The following ITGB4 variants were observed in gnomAD, a reference collection of about 807,000 sequenced individuals.
The protein encoded by ITGB4 is integrin subunit beta 4.
In ITGB4, 159 loss-of-function variants were observed where a neutral mutation model predicts 207.6. The observed-to-expected ratio is 0.77, with a 90% CI of 0.67 to 0.87. The LOEUF (loss-of-function observed/expected upper bound fraction) is 0.87. ITGB4 is among the 40% of genes least tolerant of loss of function. The pLI, the probability that ITGB4 is intolerant of heterozygous loss-of-function variation, is 0.00. For missense variants in ITGB4, 2,278 were observed against 2,546.8 expected, an observed-to-expected ratio of 0.89 and a Z score of 2.27; for synonymous variants, 1,020 against 1,062.7, an observed-to-expected ratio of 0.96 and a Z score of 0.78.
chr17:75,754,884 G>A, intron 34 of ITGB4, 69 bp downstream of exon 34: 3 of 1,603,514 alleles, frequency 1.9e-6, no homozygotes, highest in Non-Finnish European at 2.6e-6. Context: ...GGAGCCTCGG[G>A]CTTCTGTCTG....
At chr17:75,747,628 T>C (rs1231373751) in intron 26 of ITGB4, among the ~76,000 whole-genome samples, 1 of 152,222 alleles carries the variant, frequency 6.6e-6, no homozygotes, top group Non-Finnish European at 1.5e-5. Context: ...CTTGACTCCT[T>C]TAATCTAGAA....
chr17:75,724,574 G>A lies in ITGB4; in HGVS notation c.-10-120G>A, dbSNP rs984487343. 75 of 821,494 alleles carry A rather than the reference G, an allele frequency of 9.1e-5. No homozygotes were observed. In the East Asian group the frequency reaches 1.1e-3, roughly 12 times the overall value. The allele number at this position is 821,494 out of a possible 1,614,324, so 50.9% of individuals were successfully genotyped here. On this transcript the variant is annotated intron_variant, in intron 1 of 39. Transcript: ENST00000200181. Reference sequence around the variant, plus strand: ...AGGGCCCTGCCTCTGGCGGCTGGGCGCCCTTGGTCACATTGTTGGTGCTCA... The same window carrying A: ...AGGGCCCTGCCTCTGGCGGCTGGGCACCCTTGGTCACATTGTTGGTGCTCA...
chr17:75,757,068 G>A lies in ITGB4; in HGVS notation c.5179G>A (p.Glu1727Lys). The A allele has an allele frequency of 6.2e-7, 1 of 1,612,936 alleles. No homozygotes were observed. The highest frequency in any genetic ancestry group is 8.5e-7 in the Non-Finnish European group (1 of 1,179,942). The change falls in exon 38 of 40, where the codon GAG (glutamate) becomes AAG (lysine). Residue 1727 changes from glutamate to lysine, a missense_variant. Glu to Lys is a moderately conservative substitution (Grantham distance 56, BLOSUM62 1). Coordinates refer to ENST00000200181, the MANE Select transcript of ITGB4 (RefSeq NM_000213.5). ...QARTTEGFGP[E>K]REGIITIESQ... ...CAGGACCACTGAGGGCTTCGGGCCA[G>A]AGCGCGAGGGCATCATCACCATAGA... is the stretch of plus-strand genomic sequence containing the variant.
chr17:75,741,681 C>A (rs991372171), intron 23 of ITGB4, among the ~76,000 whole-genome samples: 2 of 152,042 alleles, frequency 1.3e-5, no homozygotes, highest in Admixed American at 1.3e-4. Context: ...TGGTGGGCAC[C>A]TGTAATCCCA....
At chr17:75,736,455 G>A in intron 15 of ITGB4, 69 bp downstream of exon 15, 1 of 1,609,136 alleles carries the variant, frequency 6.2e-7, no homozygotes. Context: ...GGCAGGAGGG[G>A]CTAAGCCTGA....
At chr17:75,756,095 A>G (rs2061494038) in intron 35 of ITGB4, among the ~76,000 whole-genome samples, 1 of 152,164 alleles carries the variant, frequency 6.6e-6, no homozygotes, top group Admixed American at 6.5e-5. Flanking sequence ...TTTGCCTAAC[A>G]AGGCCCCTTT....
chr17:75,755,124 G>C, intron 34 of ITGB4: 1 of 1,610,298 alleles, frequency 6.2e-7, no homozygotes, highest in Non-Finnish European at 8.5e-7. Flanking sequence ...TCCCGGAGTC[G>C]GGCTCAGATG....
rs139918000 is a variant in ITGB4, at chr17:75,731,922, C to T, written c.1326C>T (p.Asp442=). The T allele has an allele frequency of 7.7e-5, 125 of 1,613,950 alleles. No homozygotes were observed. Among genetic ancestry groups the T allele is most frequent in the African/African-American group, 5.9e-4 (44 of 74,942 alleles). The change falls in exon 11 of 40, where the codon GAC becomes GAT. Residue 442 remains aspartate (D), a synonymous_variant. Transcript: ENST00000200181. This position sits in a 1 kb window ranked among gnomAD's most constrained non-coding sequence, Gnocchi z 6.8. ...TCCATCTGAAACCTTCCTTCTCCGACGGCCTCAAGATGGACGCGGGCATCA... is the reference window on the plus strand; with the variant it reads ...TCCATCTGAAACCTTCCTTCTCCGATGGCCTCAAGATGGACGCGGGCATCA... ...GNIHLKPSFS[D]GLKMDAGIIC...
Position 75,748,868 on chromosome 17 carries a change from C to T in ITGB4, c.3139C>T (p.Leu1047=). ...RDYIPVEGEL[L]FQPGEAWKEL... Reference sequence around the variant, plus strand: ...CTACATCCCCGTGGAGGGTGAGCTGCTGTTCCAGCCTGGGGAGGCCTGGAA... The same window carrying T: ...CTACATCCCCGTGGAGGGTGAGCTGTTGTTCCAGCCTGGGGAGGCCTGGAA... The change falls in exon 27 of 40, where the codon CTG becomes TTG. Residue 1047 remains leucine (L), a synonymous_variant. Coordinates refer to ENST00000200181, the MANE Select transcript of ITGB4 (RefSeq NM_000213.5). 6.2e-7 allele frequency: 1 copy of T among 1,612,384 alleles called. No homozygotes were observed. The highest frequency in any genetic ancestry group is 8.5e-7 in the Non-Finnish European group (1 of 1,179,688).
At chr17:75,751,208 G>GC in intron 30 of ITGB4, 97 bp downstream of exon 30, 2 of 1,377,370 alleles carry the variant, frequency 1.5e-6, no homozygotes. Context: ...CCCTGGACCT[G>GC]CTGTGCAGGG....
chr17:75,729,402 G>C lies in ITGB4; in HGVS notation c.704G>C (p.Gly235Ala). The change falls in exon 7 of 40, where the codon GGC (glycine) becomes GCC (alanine). Residue 235 changes from glycine to alanine, a missense_variant. Physicochemically the swap from Gly to Ala is moderately conservative, Grantham distance 60. Coordinates refer to ENST00000200181, the MANE Select transcript of ITGB4 (RefSeq NM_000213.5). This position sits in a 1 kb window ranked among gnomAD's most constrained non-coding sequence, Gnocchi z 4.4. The part of the protein sequence containing the change: ...ISGNLDAPEG[G>A]FDAILQTAVC... ...GGCAACCTGGATGCTCCTGAGGGCG[G>C]CTTCGATGCCATCCTGCAGACAGCT... 6.2e-7 allele frequency: 1 copy of C among 1,614,162 alleles called. No individual in the cohort carries two copies. Among genetic ancestry groups the C allele is most frequent in the Non-Finnish European group, 8.5e-7 (1 of 1,180,010 alleles).
intron 16 of ITGB4, 90 bp from the exon 17 acceptor site, chr17:75,737,232 T>G (rs2060997927): frequency 6.7e-7 from 1 of 1,495,538 alleles, no homozygotes; most frequent in South Asian, 1.2e-5. Flanking sequence ...GTGAGGCAGA[T>G]CGCAGAGTAG....
Position 75,742,196 on chromosome 17 carries a change from C to G in ITGB4, c.2634-145C>G. On this transcript the variant is annotated intron_variant, in intron 23 of 39. Transcript: ENST00000200181. This position sits in a 1 kb window ranked among gnomAD's most constrained non-coding sequence, Gnocchi z 5.9. ...TAAAGGGTATGGGGCTGGCATAGGC[C>G]TGGAGCACTGCCTGCCTCTGAAGAC... The G allele has an allele frequency of 9.5e-7, 1 of 1,056,232 alleles. No individual in the cohort carries two copies. Among genetic ancestry groups the G allele is most frequent in the Non-Finnish European group, 1.4e-6 (1 of 708,102 alleles). 65.4% of individuals were successfully genotyped at this position (1,056,232 alleles called of 1,614,324 possible). A position where few individuals can be genotyped will look rare whatever the true frequency, so the allele number is the denominator to read the frequency against.
chr17:75,739,518 C>A lies in ITGB4; in HGVS notation c.2221-154C>A, dbSNP rs912201121. On this transcript the variant is annotated intron_variant, in intron 18 of 39. Coordinates refer to ENST00000200181, the MANE Select transcript of ITGB4 (RefSeq NM_000213.5). The surrounding 1 kb of genome is among the most constrained non-coding windows in gnomAD (Gnocchi z 5.4). ...CCATCCCCCTCTATGCCCTTGTGTG[C>A]CATGCTTACACCCTGCTACCACCTG... Among the ~76,000 whole-genome samples, 2 of 152,120 alleles carry A rather than the reference C, an allele frequency of 1.3e-5. No individual in the cohort carries two copies. Among genetic ancestry groups the A allele is most frequent in the African/African-American group, 4.8e-5 (2 of 41,428 alleles).
At chr17:75,741,094 C>T in intron 23 of ITGB4, 89 bp downstream of exon 23, 1 of 1,444,708 alleles carries the variant, frequency 6.9e-7, no homozygotes. Flanking sequence ...CCTACTCCAT[C>T]TCCATCCCAT....
At position 75,727,508 on chromosome 17, in the gene ITGB4, G is replaced by C; in HGVS notation, c.264+3G>C. 6.2e-7 allele frequency: 1 copy of C among 1,613,474 alleles called. No individual in the cohort carries two copies. Among genetic ancestry groups the C allele is most frequent in the South Asian group, 1.1e-5 (1 of 91,028 alleles). ...AGAGCAGCTTCCAAATCACAGAGGT[G>C]CCTGGTGTGGGGACTGGGGTGGGGG... On this transcript the variant is annotated splice_donor_region_variant and intron_variant, in intron 4 of 39. Coordinates refer to ENST00000200181, the MANE Select transcript of ITGB4 (RefSeq NM_000213.5). This position sits in a 1 kb window ranked among gnomAD's most constrained non-coding sequence, Gnocchi z 6.0.
rs55981241 is a variant in ITGB4 at position 75,722,757 on chromosome 17, C to CTGTGTGTGTGTGTG, written c.-11+1167_-11+1180dup. ...GAGCCTGTGGGTGGGTGGGCATGGC[C>CTGTGTGTGTGTGTG]TGTGTGTGTGTGTGTGTGTGTGTGT... On this transcript the variant is annotated intron_variant, in intron 1 of 39. Coordinates refer to ENST00000200181, the MANE Select transcript of ITGB4 (RefSeq NM_000213.5). This position sits in a 1 kb window ranked among gnomAD's most constrained non-coding sequence, Gnocchi z 6.2. Among the ~76,000 whole-genome samples the CTGTGTGTGTGTGTG allele has an allele frequency of 6.7e-5, 9 of 135,164 alleles. No homozygotes were observed. Among genetic ancestry groups the CTGTGTGTGTGTGTG allele is most frequent in the Middle Eastern group, 3.8e-3 (1 of 264 alleles). 88.7% of individuals were successfully genotyped at this position (135,164 alleles called of 152,430 possible). A position where few individuals can be genotyped will look rare whatever the true frequency, so the allele number is the denominator to read the frequency against.
chr17:75,732,280 C>T lies in ITGB4; in HGVS notation c.1454+41C>T, dbSNP rs773496052. ...AGTTGGGCACCCAGGACACCAGTGG[C>T]CCCTGATGGGAAAGCTGGGCTCCTG... On this transcript the variant is annotated intron_variant, in intron 12 of 39. Coordinates refer to ENST00000200181, the MANE Select transcript of ITGB4 (RefSeq NM_000213.5). This position sits in a 1 kb window ranked among gnomAD's most constrained non-coding sequence, Gnocchi z 5.3. 4 of 1,589,328 alleles carry T rather than the reference C, an allele frequency of 2.5e-6. No individual in the cohort carries two copies. Among genetic ancestry groups the T allele is most frequent in the East Asian group, 2.2e-5 (1 of 44,766 alleles).
intron 30 of ITGB4, 142 bp from the exon 31 acceptor site, chr17:75,752,032 A>G (rs935468049): frequency 4.4e-6 from 4 of 907,390 alleles, no homozygotes; most frequent in African/African-American, 3.2e-5. Flanking sequence ...GCAGGCGGCA[A>G]TTCAGCAGTG....
Sources: gnomAD v4.1 joint callset for allele counts (sites outside exome capture counted in the v4.1 genomes callset) on GRCh38, gnomAD v4.1.1 for gene constraint, Gnocchi (gnomAD v3.1) non-coding constraint, MANE v1.5 for transcripts, NCBI Gene and HGNC (gene_info 2026-07-23, HGNC 2026-07-21) for gene names.